SLC45A4: variants seen among roughly 807,000 people sequenced by gnomAD.
The protein encoded by SLC45A4 is solute carrier family 45 member 4.
SLC45A4 carries 32 observed loss-of-function variants against 63.7 expected under a neutral mutation model. The observed-to-expected ratio is 0.50, with a 90% CI of 0.38 to 0.67. The LOEUF (loss-of-function observed/expected upper bound fraction) is 0.67, where lower values mean the gene tolerates loss of function less well. SLC45A4 is among the 30% of genes least tolerant of loss of function. SLC45A4 has a pLI of 0.00. For missense variants in SLC45A4, 1,027 were observed against 1,157.7 expected (o/e 0.89, Z 1.64); for synonymous variants, 535 against 510.0 (o/e 1.05, Z -0.66).
At chr8:141,305,953 G>A (rs1265561727) in intron 1 of SLC45A4, among the ~76,000 whole-genome samples, 1 of 152,226 alleles carries the variant, frequency 6.6e-6, no homozygotes, top group African/African-American at 2.4e-5. Context: ...GGGCGGGCTG[G>A]GGCGGGATCT....
At chr8:141,272,002 A>G (rs1411214246) in intron 1 of SLC45A4, among the ~76,000 whole-genome samples, 3 of 151,874 alleles carry the variant, frequency 2.0e-5, no homozygotes, top group African/African-American at 7.3e-5. Flanking sequence ...ACACGTGTGC[A>G]TGCAACACAC....
At chr8:141,305,235 G>A (rs1830863004) in intron 1 of SLC45A4, among the ~76,000 whole-genome samples, 1 of 152,220 alleles carries the variant, frequency 6.6e-6, no homozygotes, top group Non-Finnish European at 1.5e-5. Flanking sequence ...AGGGGACCTT[G>A]TCTAGGAGCC....
At chr8:141,241,087 C>T (rs1022013155) in intron 2 of SLC45A4, among the ~76,000 whole-genome samples, 2 of 152,262 alleles carry the variant, frequency 1.3e-5, no homozygotes, top group African/African-American at 4.8e-5. Context: ...TTATGGGACT[C>T]AGCCTGGGGC....
chr8:141,273,603 T>TCA (rs1563665544), intron 1 of SLC45A4, among the ~76,000 whole-genome samples: 1 of 151,866 alleles, frequency 6.6e-6, no homozygotes, highest in Non-Finnish European at 1.5e-5. Flanking sequence ...AACCCTCACA[T>TCA]CACACACATA....
intron 1 of SLC45A4, among the ~76,000 whole-genome samples, chr8:141,288,785 A>G (rs10107173): frequency 0.49 from 74,496 of 152,126 alleles, 19,428 homozygotes; most frequent in South Asian, 0.6. Context: ...TACTTCATGC[A>G]GAGCCACTGC....
intron 1 of SLC45A4, among the ~76,000 whole-genome samples, chr8:141,281,295 C>T (rs1311231363): frequency 1.3e-5 from 2 of 152,168 alleles, no homozygotes; most frequent in East Asian, 1.9e-4. Context: ...GCTGAGATCA[C>T]GCCACCGTAC....
At chr8:141,221,886 G>A in intron 2 of SLC45A4, 121 bp from the exon 3 acceptor site, 1 of 1,032,740 alleles carries the variant, frequency 9.7e-7, no homozygotes, top group Non-Finnish European at 1.4e-6. Flanking sequence ...CACATCCCCT[G>A]CTCAGGTTGT....
At chr8:141,241,185 T>C (rs1180908440) in intron 2 of SLC45A4, among the ~76,000 whole-genome samples, 1 of 152,218 alleles carries the variant, frequency 6.6e-6, no homozygotes, top group East Asian at 1.9e-4. Flanking sequence ...ACACACAGCG[T>C]CACAAACGGC....
intron 8 of SLC45A4, 169 bp downstream of exon 8, chr8:141,212,028 C>T: frequency 7.5e-7 from 1 of 1,340,202 alleles, no homozygotes; most frequent in Non-Finnish European, 9.5e-7. Flanking sequence ...CCTACGACTA[C>T]TGAATTGTGG....
chr8:141,293,972 C>T (rs1387090542), intron 1 of SLC45A4, among the ~76,000 whole-genome samples: 1 of 151,778 alleles, frequency 6.6e-6, no homozygotes, highest in Non-Finnish European at 1.5e-5. Context: ...AAAAATCATC[C>T]GCGGTAAAGA....
chr8:141,274,121 C>T (rs977080516), intron 1 of SLC45A4, among the ~76,000 whole-genome samples: 2 of 152,184 alleles, frequency 1.3e-5, no homozygotes, highest in Non-Finnish European at 2.9e-5. Context: ...CCCAGCTACT[C>T]TGGAGGCTGA....
In SLC45A4 at chr8:141,229,246, C is replaced by T. The variant is rs1827209984; in HGVS notation, c.242-7481G>A. The stretch of plus-strand genomic sequence containing the variant: ...ACCCGCCACCTGCAGTCAGAGTGAC[C>T]ACCTAAAACCCACTGCTTGCACCTG... On this transcript the variant is annotated intron_variant, in intron 2 of 8. Coordinates refer to ENST00000517878, the MANE Select transcript of SLC45A4 (RefSeq NM_001286646.2). This position sits in a 1 kb window ranked among gnomAD's most constrained non-coding sequence, Gnocchi z 5.0. Among the ~76,000 whole-genome samples, 2 of 152,034 alleles carry T rather than the reference C, an allele frequency of 1.3e-5. No homozygotes were observed. The highest frequency in any genetic ancestry group is 6.5e-5 in the Admixed American group (1 of 15,268).
rs1421714848 is a variant in SLC45A4, at chr8:141,263,786, A to AT, written c.-400-9158_-400-9157insA. The stretch of plus-strand genomic sequence containing the variant: ...CTCCGTCTCAAAAAAAAAAAAAATA[A>AT]AAATAATAATAAAAACAAAAAGAGA... On this transcript the variant is annotated intron_variant, in intron 1 of 8. Transcript: ENST00000517878. 1.0e-3 allele frequency among the ~76,000 whole-genome samples: 113 copies of AT among 111,788 alleles called. 1 individual carries two copies. The highest frequency in any genetic ancestry group is 2.8e-3 in the African/African-American group (92 of 32,952). The allele number at this position is 111,788 out of a possible 152,430, so 73.3% of individuals were successfully genotyped here.
Position 141,256,244 on chromosome 8 carries a change from T to C in SLC45A4, c.-400-1615A>G, listed in dbSNP as rs1828768517. 6.6e-6 allele frequency among the ~76,000 whole-genome samples: 1 copy of C among 152,184 alleles called. No homozygotes were observed. Among genetic ancestry groups the C allele is most frequent in the Non-Finnish European group, 1.5e-5 (1 of 68,030 alleles). ...ACTTCTGGAGTTAGGTCTCCAGACA[T>C]GGGGTTCGGTTCAACTGAAGTGTTA... On this transcript the variant is annotated intron_variant, in intron 1 of 8. Transcript: ENST00000517878. This position sits in a 1 kb window ranked among gnomAD's most constrained non-coding sequence, Gnocchi z 4.3.
At chr8:141,277,784 C>T (rs1292871387) in intron 1 of SLC45A4, among the ~76,000 whole-genome samples, 2 of 151,994 alleles carry the variant, frequency 1.3e-5, no homozygotes, top group Non-Finnish European at 2.9e-5. Flanking sequence ...GGACTACAGG[C>T]GCCCACCACC....
chr8:141,246,613 G>A (rs1055014696), intron 2 of SLC45A4, among the ~76,000 whole-genome samples: 4 of 14,978 alleles, frequency 2.7e-4, no homozygotes, highest in Admixed American at 1.2e-3. Flanking sequence ...TCAAGGGGAG[G>A]GCATTGCACA....
intron 2 of SLC45A4, among the ~76,000 whole-genome samples, chr8:141,228,949 C>T (rs1047314785): frequency 3.3e-5 from 5 of 152,168 alleles, no homozygotes; most frequent in African/African-American, 1.2e-4. Flanking sequence ...CGGGCACCAA[C>T]ACCACCCGCC....
At chr8:141,217,942 C>T in intron 5 of SLC45A4, 69 bp downstream of exon 5, 2 of 1,497,680 alleles carry the variant, frequency 1.3e-6, no homozygotes, top group Non-Finnish European at 1.8e-6. Context: ...CCCGGCCCAG[C>T]CCGTGAGCTT....
In SLC45A4 at chr8:141,221,901, A is replaced by G. The variant is rs559824050; in HGVS notation, c.242-136T>C. The G allele has an allele frequency of 5.2e-4, 460 of 884,876 alleles. 3 individuals carry two copies. In the African/African-American group the frequency reaches 6.5e-3, roughly 12 times the overall value. The allele number at this position is 884,876 out of a possible 1,614,324, so 54.8% of individuals were successfully genotyped here. On this transcript the variant is annotated intron_variant, in intron 2 of 8. Transcript: ENST00000517878. ...CACATCCCCTGCTCAGGTTGTCTCCACGGGGTAGACTTTCCTTTTTCTGCA... is the reference window on the plus strand; with the variant it reads ...CACATCCCCTGCTCAGGTTGTCTCCGCGGGGTAGACTTTCCTTTTTCTGCA...
Sources: gnomAD v4.1 joint callset for allele counts (sites outside exome capture counted in the v4.1 genomes callset) on GRCh38, gnomAD v4.1.1 for gene constraint, Gnocchi (gnomAD v3.1) non-coding constraint, MANE v1.5 for transcripts, NCBI Gene and HGNC (gene_info 2026-07-23, HGNC 2026-07-21) for gene names.